Variants in SNTG1 observed in about 807,000 individuals in gnomAD.
The protein encoded by SNTG1 is gamma-1-syntrophin.
A neutral mutation model predicts 74.7 loss-of-function variants in SNTG1; 39 were observed. The ratio of observed to expected loss-of-function variants is 0.52; its 90% confidence interval spans 0.40 to 0.68. SNTG1 has a LOEUF of 0.68. SNTG1 is among the 30% of genes least tolerant of loss of function. SNTG1 has a pLI of 0.00. For synonymous variants in SNTG1, 254 were observed against 217.1 expected, an observed-to-expected ratio of 1.17 and a Z score of -1.49; for missense variants, 685 against 609.5, an observed-to-expected ratio of 1.12 and a Z score of -1.30.
At chr8:50,281,977 G>C (rs188887479) in intron 2 of SNTG1, among the ~76,000 whole-genome samples, 1 of 152,100 alleles carries the variant, frequency 6.6e-6, no homozygotes, top group Non-Finnish European at 1.5e-5. Flanking sequence ...CAGGAGCATC[G>C]CCATCTTGGA....
In SNTG1 at chr8:50,074,798, G is replaced by A. The variant is rs1821685756; in HGVS notation, c.-102-97763G>A. ...TTCAGCCCACTGCTGCACTGTGGGAGCCACTCTCTGGGCTGGCCAAAGCCA... is the reference window on the plus strand; with the variant it reads ...TTCAGCCCACTGCTGCACTGTGGGAACCACTCTCTGGGCTGGCCAAAGCCA... On this transcript the variant is annotated intron_variant, in intron 1 of 18. Coordinates refer to ENST00000642720, the MANE Select transcript of SNTG1 (RefSeq NM_018967.5). Among the ~76,000 whole-genome samples, 3 of 152,184 alleles carry A rather than the reference G, an allele frequency of 2.0e-5. No individual in the cohort carries two copies. The South Asian group carries it at 6.2e-4, about 31-fold the overall frequency.
chr8:50,335,667 A>G (rs933692004), intron 2 of SNTG1, among the ~76,000 whole-genome samples: 1 of 151,912 alleles, frequency 6.6e-6, no homozygotes, highest in African/African-American at 2.4e-5. Context: ...TCCTACTTTT[A>G]AGGGCTCCTG....
At chr8:50,536,404 C>G (rs73585153) in intron 10 of SNTG1, among the ~76,000 whole-genome samples, 7,541 of 152,144 alleles carry the variant, frequency 0.05, 230 homozygotes, top group Middle Eastern at 0.12. Flanking sequence ...CATTCTTATC[C>G]TTTCCTTCCA....
intron 6 of SNTG1, 25 bp downstream of exon 6, chr8:50,449,750 C>A: frequency 6.5e-7 from 1 of 1,527,190 alleles, no homozygotes; most frequent in Non-Finnish European, 8.8e-7. Context: ...GAATTGTGTA[C>A]CAGCCATTTC....
intron 8 of SNTG1, among the ~76,000 whole-genome samples, chr8:50,472,215 C>A (rs1297074852): frequency 2.0e-5 from 3 of 152,002 alleles, no homozygotes; most frequent in African/African-American, 7.2e-5. Flanking sequence ...TATGGAATTG[C>A]AAGAGACACC....
At chr8:50,413,602 G>A (rs2092977708) in intron 4 of SNTG1, among the ~76,000 whole-genome samples, 1 of 152,150 alleles carries the variant, frequency 6.6e-6, no homozygotes, top group African/African-American at 2.4e-5. Context: ...ACCGGAATAT[G>A]AAAATTTATG....
chr8:49,991,366 C>A (rs1184953506), intron 1 of SNTG1, among the ~76,000 whole-genome samples: 1 of 152,104 alleles, frequency 6.6e-6, no homozygotes, highest in East Asian at 1.9e-4. Context: ...GTGCAGCCAT[C>A]TGTGAAAACA....
In SNTG1 at chr8:50,390,756, T is replaced by C. The variant is rs575777002; in HGVS notation, c.-27-3456T>C. 2.6e-5 allele frequency among the ~76,000 whole-genome samples: 4 copies of C among 152,294 alleles called. No individual in the cohort carries two copies. In the South Asian group the frequency reaches 8.3e-4, roughly 32 times the overall value. On this transcript the variant is annotated intron_variant, in intron 2 of 18. Coordinates refer to ENST00000642720, the MANE Select transcript of SNTG1 (RefSeq NM_018967.5). ...CCTCTTTTATTTCATTGAGCAGTGGTTTGTAGTTCTCCTTGAAAAGGTCCT... is the reference window on the plus strand; with the variant it reads ...CCTCTTTTATTTCATTGAGCAGTGGCTTGTAGTTCTCCTTGAAAAGGTCCT...
intron 2 of SNTG1, among the ~76,000 whole-genome samples, chr8:50,212,390 T>C (rs1053476597): frequency 1.4e-4 from 21 of 152,172 alleles, no homozygotes; most frequent in African/African-American, 5.1e-4. Context: ...AATTGCTCTT[T>C]ATAGAGCAAT....
At chr8:50,692,712 G>T (rs1170528769) in intron 15 of SNTG1, among the ~76,000 whole-genome samples, 2 of 152,198 alleles carry the variant, frequency 1.3e-5, no homozygotes, top group African/African-American at 4.8e-5. Context: ...CCCACTTGAG[G>T]AGGCAGTCTG....
intron 13 of SNTG1, among the ~76,000 whole-genome samples, chr8:50,646,457 C>T (rs1190619607): frequency 1.3e-5 from 2 of 152,148 alleles, no homozygotes; most frequent in African/African-American, 4.8e-5. Flanking sequence ...TGCTGTCCTT[C>T]TTCACTTTAG....
intron 1 of SNTG1, among the ~76,000 whole-genome samples, chr8:49,917,028 T>C (rs1206429131): frequency 1.2e-5 from 1 of 83,304 alleles, no homozygotes; most frequent in African/African-American, 2.7e-5. Flanking sequence ...AAAAAATATA[T>C]ATATTAAAAA....
chr8:50,494,140 CAT>C (rs996835781), intron 8 of SNTG1, among the ~76,000 whole-genome samples: 121 of 150,374 alleles, frequency 8.0e-4, no homozygotes, highest in African/African-American at 2.6e-3. Context: ...CACACACACA[CAT>C]ATATATATAC....
Position 50,520,712 on chromosome 8 carries a change from T to C in SNTG1, c.467-9465T>C, listed in dbSNP as rs1042198713. Among the ~76,000 whole-genome samples the C allele has an allele frequency of 1.3e-5, 2 of 151,824 alleles. 1 individual carries two copies. The highest frequency in any genetic ancestry group is 4.2e-4 in the South Asian group (2 of 4,812). On this transcript the variant is annotated intron_variant, in intron 9 of 18. Transcript: ENST00000642720. ...GTCATTAGAGAAATGCAAAACAAAA[T>C]CACAACGAGATACCATCTCACGCCA...
At chr8:49,946,840 T>C (rs1809235055) in intron 1 of SNTG1, among the ~76,000 whole-genome samples, 1 of 152,214 alleles carries the variant, frequency 6.6e-6, no homozygotes, top group Admixed American at 6.5e-5. Flanking sequence ...CTAGTTGGAT[T>C]CAAATTCCAC....
chr8:50,617,612 C>T (rs774225848), intron 13 of SNTG1, among the ~76,000 whole-genome samples: 2 of 152,144 alleles, frequency 1.3e-5, no homozygotes, highest in East Asian at 3.9e-4. Context: ...CCTGGGGCAT[C>T]GGCAAGACTC....
intron 10 of SNTG1, among the ~76,000 whole-genome samples, chr8:50,532,569 C>T (rs373416127): frequency 4.6e-5 from 7 of 152,328 alleles, no homozygotes; most frequent in Admixed American, 1.3e-4. Context: ...GTTGCTCGCA[C>T]GGGAGCATTA....
intron 2 of SNTG1, among the ~76,000 whole-genome samples, chr8:50,275,660 C>T (rs2088054833): frequency 6.6e-6 from 1 of 152,066 alleles, no homozygotes; most frequent in Non-Finnish European, 1.5e-5. Flanking sequence ...GAGCTCCTAC[C>T]CCACCTAAGT....
intron 1 of SNTG1, among the ~76,000 whole-genome samples, chr8:50,129,647 G>A (rs987755938): frequency 2.6e-5 from 4 of 152,096 alleles, no homozygotes; most frequent in African/African-American, 9.6e-5. Flanking sequence ...TTGTGTTATG[G>A]AGAAACCATC....
Sources: allele counts gnomAD v4.1 joint callset (sites outside exome capture counted in the v4.1 genomes callset), GRCh38; gene constraint gnomAD v4.1.1; transcripts MANE v1.5; gene names NCBI Gene and HGNC (gene_info 2026-07-23, HGNC 2026-07-21).